Variants in SPATA6 observed in about 807,000 individuals in gnomAD.
The protein encoded by SPATA6 is spermatogenesis associated 6.
In SPATA6, 56 loss-of-function variants were observed where a neutral mutation model predicts 65.3. The observed-to-expected ratio is 0.86, with a 90% CI of 0.69 to 1.07. The LOEUF (loss-of-function observed/expected upper bound fraction) is 1.07, where lower values mean the gene tolerates loss of function less well. Ranked by LOEUF, SPATA6 falls within the 50% of genes least tolerant of loss-of-function variation. The pLI, the probability that SPATA6 is intolerant of heterozygous loss-of-function variation, is 0.00. For missense variants in SPATA6, 590 were observed against 594.8 expected, an observed-to-expected ratio of 0.99 and a Z score of 0.08; for synonymous variants, 199 against 213.2, an observed-to-expected ratio of 0.93 and a Z score of 0.58.
chr1:48,307,391 C>CA (rs1645087679), intron 11 of SPATA6, among the ~76,000 whole-genome samples: 1 of 147,642 alleles, frequency 6.8e-6, no homozygotes, highest in Non-Finnish European at 1.5e-5. Context: ...TAATCATATA[C>CA]ATTTATATTC....
chr1:48,441,188 G>A (rs763737510), intron 3 of SPATA6, among the ~76,000 whole-genome samples: 1 of 152,224 alleles, frequency 6.6e-6, no homozygotes, highest in Non-Finnish European at 1.5e-5. Flanking sequence ...ACAGGACTGA[G>A]GGTGCCCAGG....
rs534078272 is a variant in SPATA6 at position 48,471,982 on chromosome 1, G to T, written c.27C>A (p.Cys9Ter). Residue 9 changes from cysteine (C) to a stop codon, truncating the protein, a stop_gained, in exon 1 of 13, where the codon TGC (cysteine) becomes TGA (stop). Coordinates refer to ENST00000371847, the MANE Select transcript of SPATA6 (RefSeq NM_019073.4). LOFTEE classifies it high-confidence loss of function. MPKVKALQ[C>*]ALALEISSVT... ...CTGAGCTGATCTCCAGCGCCAGGGC[G>T]CACTGCAGCGCCTTCACCTTCGGCA... is the stretch of plus-strand genomic sequence containing the variant. 12 of 1,595,042 alleles carry T rather than the reference G, an allele frequency of 7.5e-6. No individual in the cohort carries two copies. The South Asian group carries it at 7.9e-5, about 10-fold the overall frequency.
intron 11 of SPATA6, among the ~76,000 whole-genome samples, chr1:48,312,701 G>C (rs941114124): frequency 2.0e-5 from 3 of 149,122 alleles, no homozygotes; most frequent in African/African-American, 4.9e-5. Flanking sequence ...GATGGAGAAT[G>C]AATTTGACGA....
At chr1:48,328,218 G>C (rs2148722108) in intron 11 of SPATA6, among the ~76,000 whole-genome samples, 1 of 152,194 alleles carries the variant, frequency 6.6e-6, no homozygotes, top group Admixed American at 6.5e-5. Context: ...AGGATGCCAG[G>C]TGAAAAGGCA....
chr1:48,407,807 T>C (rs1200076634), intron 5 of SPATA6, among the ~76,000 whole-genome samples: 1 of 152,230 alleles, frequency 6.6e-6, no homozygotes, highest in Non-Finnish European at 1.5e-5. Context: ...ATTTTTGTTT[T>C]AATAATCCAT....
the SPATA6 span, among the ~76,000 whole-genome samples, chr1:48,280,510 G>T: frequency 2.0e-5 from 3 of 152,110 alleles, no homozygotes; most frequent in Non-Finnish European, 4.4e-5. Flanking sequence ...TATCACCACC[G>T]ATCACACAGA....
intron 11 of SPATA6, among the ~76,000 whole-genome samples, chr1:48,348,664 C>T (rs991063051): frequency 1.3e-5 from 2 of 152,002 alleles, no homozygotes; most frequent in African/African-American, 2.4e-5. Flanking sequence ...TCTGGGTGTG[C>T]TCACTGCTAT....
At chr1:48,385,160 C>A in intron 9 of SPATA6, 149 bp downstream of exon 9, 2 of 757,744 alleles carry the variant, frequency 2.6e-6, no homozygotes, top group South Asian at 4.0e-5. Context: ...GACAAAGTAA[C>A]CAAAATAACA....
At chr1:48,380,054 T>C (rs2148883951) in intron 9 of SPATA6, among the ~76,000 whole-genome samples, 1 of 152,334 alleles carries the variant, frequency 6.6e-6, no homozygotes, top group East Asian at 1.9e-4. Flanking sequence ...CTTTTGTCAA[T>C]TATACCTTAA....
intron 6 of SPATA6, among the ~76,000 whole-genome samples, chr1:48,402,224 T>A (rs1180369467): frequency 6.6e-6 from 1 of 152,148 alleles, no homozygotes; most frequent in East Asian, 1.9e-4. Context: ...ATAAGTACAA[T>A]TAAACTATGA....
In SPATA6 at chr1:48,359,808, C is replaced by T. The variant is rs113291169; in HGVS notation, c.910-38G>A. The T allele has an allele frequency of 1.3e-3, 1,918 of 1,469,330 alleles. 26 individuals are homozygous for T. The African/African-American group carries it at 0.023, about 18-fold the overall frequency. The allele number at this position is 1,469,330 out of a possible 1,614,324, so 91.0% of individuals were successfully genotyped here. The stretch of plus-strand genomic sequence containing the variant: ...TTATATACATATAGATATACAAATA[C>T]AGATACATATGTATATAACATATTA... On this transcript the variant is annotated intron_variant, in intron 9 of 12. Coordinates refer to ENST00000371847, the MANE Select transcript of SPATA6 (RefSeq NM_019073.4).
At chr1:48,435,304 A>G (rs1654800136) in intron 3 of SPATA6, among the ~76,000 whole-genome samples, 1 of 152,130 alleles carries the variant, frequency 6.6e-6, no homozygotes, top group South Asian at 2.1e-4. Flanking sequence ...CTCTGTAAAA[A>G]CGCACCAATC....
intron 3 of SPATA6, among the ~76,000 whole-genome samples, chr1:48,432,026 C>T (rs1239388542): frequency 6.6e-6 from 1 of 152,142 alleles, no homozygotes. Context: ...GGGAGAATGG[C>T]TTAAGCCTGG....
At chr1:48,370,450 A>C (rs1647202345) in intron 9 of SPATA6, among the ~76,000 whole-genome samples, 1 of 152,246 alleles carries the variant, frequency 6.6e-6, no homozygotes, top group Non-Finnish European at 1.5e-5. Context: ...AGTGAATCTT[A>C]CATCAAGTAA....
At chr1:48,440,545 C>T (rs768612803) in intron 3 of SPATA6, among the ~76,000 whole-genome samples, 4 of 152,158 alleles carry the variant, frequency 2.6e-5, no homozygotes, top group African/African-American at 9.7e-5. Context: ...GACGTCGACT[C>T]CGATCATGGG....
intron 3 of SPATA6, among the ~76,000 whole-genome samples, chr1:48,448,841 T>C (rs1279926790): frequency 1.3e-5 from 2 of 152,040 alleles, no homozygotes; most frequent in African/African-American, 2.4e-5. Flanking sequence ...ATGGCAAATA[T>C]AGAGACAGAA....
intron 11 of SPATA6, among the ~76,000 whole-genome samples, chr1:48,307,744 T>A (rs1645097346): frequency 6.6e-6 from 1 of 151,846 alleles, no homozygotes. Context: ...ATTCTATCAG[T>A]TTTTCCTTAT....
At chr1:48,312,140 C>A (rs1175318806) in intron 11 of SPATA6, among the ~76,000 whole-genome samples, 1 of 152,210 alleles carries the variant, frequency 6.6e-6, no homozygotes, top group Admixed American at 6.5e-5. Flanking sequence ...CCTCTGGGGG[C>A]AGGGAATAGC....
At chr1:48,336,414 T>C (rs1364630430) in intron 11 of SPATA6, among the ~76,000 whole-genome samples, 2 of 152,052 alleles carry the variant, frequency 1.3e-5, no homozygotes, top group East Asian at 3.9e-4. Context: ...ATAAAGAGAA[T>C]GTGGTACATA....
Sources: allele counts gnomAD v4.1 joint callset (sites outside exome capture counted in the v4.1 genomes callset), GRCh38; gene constraint gnomAD v4.1.1; transcripts MANE v1.5; gene names NCBI Gene and HGNC (gene_info 2026-07-23, HGNC 2026-07-21).